Variants in ANKS1B observed in about 807,000 individuals in gnomAD.
ANKS1B encodes the protein ankyrin repeat and sterile alpha motif domain-containing protein 1B.
In ANKS1B, 36 loss-of-function variants were observed where a neutral mutation model predicts 148.3. That is an observed-to-expected ratio of 0.24 (90% CI 0.19 to 0.32). The LOEUF is 0.32. Among genes scored for constraint, ANKS1B ranks in the 10% least tolerant of loss-of-function variants. The probability of loss-of-function intolerance (pLI) is 1.00; values close to 1 mark genes in which losing one functional copy is unlikely to be tolerated. For synonymous variants in ANKS1B, 542 were observed against 560.8 expected (o/e 0.97, Z 0.47); for missense variants, 1,157 against 1,542.6 (o/e 0.75, Z 4.19).
chr12:99,300,157 T>C (rs1372073560), intron 12 of ANKS1B, among the ~76,000 whole-genome samples: 1 of 152,128 alleles, frequency 6.6e-6, no homozygotes, highest in Admixed American at 6.6e-5. Context: ...AAAATCTGTA[T>C]TAAAAGGAGT....
intron 12 of ANKS1B, among the ~76,000 whole-genome samples, chr12:99,358,686 T>TACACAC (rs34631898): frequency 9.4e-5 from 14 of 149,632 alleles, no homozygotes; most frequent in African/African-American, 2.5e-4. Context: ...TGTGCATGCA[T>TACACAC]ACACACACAC....
intron 12 of ANKS1B, among the ~76,000 whole-genome samples, chr12:99,316,854 T>A (rs2084209837): frequency 6.6e-6 from 1 of 152,230 alleles, no homozygotes; most frequent in Non-Finnish European, 1.5e-5. Context: ...GTATAAGGTG[T>A]AAGGAAGGAA....
At chr12:99,910,797 A>G (rs2093982529) in intron 1 of ANKS1B, among the ~76,000 whole-genome samples, 1 of 144,806 alleles carries the variant, frequency 6.9e-6, no homozygotes, top group South Asian at 2.2e-4. Flanking sequence ...ATACATACTC[A>G]TTTACAGAGA....
At chr12:99,619,455 C>T (rs900823461) in intron 9 of ANKS1B, among the ~76,000 whole-genome samples, 1 of 152,064 alleles carries the variant, frequency 6.6e-6, no homozygotes, top group Admixed American at 6.6e-5. Context: ...GTACAGGAGG[C>T]TCTCTCTGCT....
At chr12:99,356,345 T>C (rs1356008669) in intron 12 of ANKS1B, among the ~76,000 whole-genome samples, 1 of 152,166 alleles carries the variant, frequency 6.6e-6, no homozygotes, top group Non-Finnish European at 1.5e-5. Context: ...TATAGGCATG[T>C]GTCTCTCTGG....
At chr12:99,286,153 T>A (rs1332625775) in intron 12 of ANKS1B, among the ~76,000 whole-genome samples, 1 of 151,402 alleles carries the variant, frequency 6.6e-6, no homozygotes, top group African/African-American at 2.4e-5. Context: ...ACACCTTCCT[T>A]CTGCTTGAGA....
chr12:99,319,311 C>A (rs1695723640), intron 12 of ANKS1B, among the ~76,000 whole-genome samples: 1 of 152,100 alleles, frequency 6.6e-6, no homozygotes. Context: ...GTCTAAGTCT[C>A]TTTGTAGGTC....
chr12:99,238,064 C>T (rs1169425658), intron 14 of ANKS1B, among the ~76,000 whole-genome samples: 1 of 152,190 alleles, frequency 6.6e-6, no homozygotes, highest in South Asian at 2.1e-4. Flanking sequence ...TGGGTGCAGC[C>T]CACAGAGGGC....
chr12:99,018,808 T>C (rs2099944041), intron 17 of ANKS1B, among the ~76,000 whole-genome samples: 1 of 152,078 alleles, frequency 6.6e-6, no homozygotes, highest in Non-Finnish European at 1.5e-5. Flanking sequence ...CTGGATGTAG[T>C]AGAGGGCACC....
intron 4 of ANKS1B, among the ~76,000 whole-genome samples, chr12:99,798,453 ACAACT>A (rs1220618236): frequency 6.6e-6 from 1 of 151,600 alleles, no homozygotes; most frequent in Non-Finnish European, 1.5e-5. Flanking sequence ...ACAAAAGATA[ACAACT>A]CAACTTAGTG....
chr12:98,779,945 C>T (rs964249137), intron 24 of ANKS1B, among the ~76,000 whole-genome samples: 5 of 152,120 alleles, frequency 3.3e-5, no homozygotes, highest in African/African-American at 9.7e-5. Flanking sequence ...TTTCTATAAC[C>T]GGGAGGTTGT....
At chr12:99,589,789 T>C (rs1468412463) in intron 9 of ANKS1B, among the ~76,000 whole-genome samples, 1 of 152,152 alleles carries the variant, frequency 6.6e-6, no homozygotes, top group African/African-American at 2.4e-5. Flanking sequence ...CAATAATTTA[T>C]AGCATATTTC....
At chr12:99,368,284 C>T (rs894102357) in intron 12 of ANKS1B, among the ~76,000 whole-genome samples, 5 of 151,944 alleles carry the variant, frequency 3.3e-5, no homozygotes, top group Admixed American at 2.6e-4. Flanking sequence ...ACTATGTTCA[C>T]GACCTAGGTG....
intron 12 of ANKS1B, among the ~76,000 whole-genome samples, chr12:99,339,724 G>A (rs988109823): frequency 1.3e-5 from 2 of 152,088 alleles, no homozygotes; most frequent in East Asian, 1.9e-4. Flanking sequence ...ATTTCCTTAT[G>A]TATTTTTGAA....
chr12:98,758,313 GTTCT>G (rs1202621776), intron 25 of ANKS1B, among the ~76,000 whole-genome samples: 2 of 152,110 alleles, frequency 1.3e-5, no homozygotes, highest in Non-Finnish European at 2.9e-5. Flanking sequence ...GAATCCAGTT[GTTCT>G]TTCTGAGAGG....
At chr12:99,706,198 GATA>G (rs1264742065) in intron 8 of ANKS1B, among the ~76,000 whole-genome samples, 1 of 151,984 alleles carries the variant, frequency 6.6e-6, no homozygotes, top group Non-Finnish European at 1.5e-5. Context: ...GATGTCAATA[GATA>G]ATGTCTAAAA....
At position 99,254,961 on chromosome 12, in the gene ANKS1B, C is replaced by T. The variant is rs1473974502; in HGVS notation, c.1757-8097G>A. 1.2e-4 allele frequency among the ~76,000 whole-genome samples: 19 copies of T among 152,098 alleles called. 1 individual carries two copies. The highest frequency in any genetic ancestry group is 1.2e-3 in the Admixed American group (19 of 15,260). On this transcript the variant is annotated intron_variant, in intron 12 of 26. Transcript: ENST00000683438. ...CATCTATGTTCATGAAAGAAATAGG[C>T]CTTTGGTTTTACCTTTTTTATTCTG...
At position 98,805,672 on chromosome 12, in the gene ANKS1B, G is replaced by C. The variant is rs1426052540; in HGVS notation, c.3141+2172C>G. On this transcript the variant is annotated intron_variant, in intron 20 of 26. Coordinates refer to ENST00000683438, the MANE Select transcript of ANKS1B (RefSeq NM_001352186.2). ...ACTGGATGGCAGATTCCAAATTGCA[G>C]CTTTTAAACTTTGCATTATTTCAAC... 6.6e-5 allele frequency among the ~76,000 whole-genome samples: 10 copies of C among 152,278 alleles called. No homozygotes were observed. In the East Asian group the frequency reaches 1.2e-3, roughly 18 times the overall value.
intron 14 of ANKS1B, among the ~76,000 whole-genome samples, chr12:99,232,159 TTATC>T (rs1170522425): frequency 6.6e-6 from 1 of 152,156 alleles, no homozygotes; most frequent in Non-Finnish European, 1.5e-5. Flanking sequence ...GAACTATGCT[TTATC>T]TATCCAATAT....
Sources: allele counts gnomAD v4.1 joint callset (sites outside exome capture counted in the v4.1 genomes callset), GRCh38; gene constraint gnomAD v4.1.1; transcripts MANE v1.5; gene names NCBI Gene and HGNC (gene_info 2026-07-23, HGNC 2026-07-21).